GMCL1: variants seen among roughly 807,000 people sequenced by gnomAD.
GMCL1 encodes germ cell-less 1, spermatogenesis associated.
In GMCL1, 54 loss-of-function variants were observed where a neutral mutation model predicts 75.5. The observed-to-expected ratio is 0.71, with a 90% CI of 0.57 to 0.90. GMCL1 has a LOEUF of 0.90. GMCL1 is among the 40% of genes least tolerant of loss of function. The pLI is 0.00. For synonymous variants in GMCL1, 210 were observed against 209.6 expected (o/e 1.00, Z -0.02); for missense variants, 537 against 622.7 (o/e 0.86, Z 1.47).
At chr2:69,852,554 T>C (rs907901797) in intron 8 of GMCL1, among the ~76,000 whole-genome samples, 5 of 152,196 alleles carry the variant, frequency 3.3e-5, no homozygotes, top group South Asian at 4.1e-4. Context: ...CTTTTTTTTT[T>C]TGAGACAGAG....
chr2:69,853,994 A>G (rs1675393756), intron 8 of GMCL1, among the ~76,000 whole-genome samples: 1 of 151,924 alleles, frequency 6.6e-6, no homozygotes, highest in Non-Finnish European at 1.5e-5. Context: ...TAGTAGAGAC[A>G]GGGTTTCATC....
At chr2:69,862,759 C>CA (rs879848728) in intron 10 of GMCL1, among the ~76,000 whole-genome samples, 114 of 119,954 alleles carry the variant, frequency 9.5e-4, no homozygotes, top group South Asian at 2.9e-3. Context: ...AACTCCATCC[C>CA]AAAAAAAAAA....
At chr2:69,847,422 A>G (rs1416745283) in intron 6 of GMCL1, 121 bp from the exon 7 acceptor site, 3 of 730,426 alleles carry the variant, frequency 4.1e-6, no homozygotes, top group Non-Finnish European at 4.9e-6. Context: ...GGGCAGAAGG[A>G]CTGCTGTCAT....
chr2:69,830,820 T>A (rs1220793418), intron 1 of GMCL1, among the ~76,000 whole-genome samples: 1 of 151,696 alleles, frequency 6.6e-6, no homozygotes, highest in African/African-American at 2.4e-5. Flanking sequence ...TGACCTGGAA[T>A]GTAGTTTATA....
At chr2:69,836,573 C>A (rs1259321246) in intron 1 of GMCL1, among the ~76,000 whole-genome samples, 1 of 152,162 alleles carries the variant, frequency 6.6e-6, no homozygotes, top group Non-Finnish European at 1.5e-5. Context: ...GTTAAGTACA[C>A]AGGTGTTAAA....
intron 10 of GMCL1, among the ~76,000 whole-genome samples, chr2:69,862,181 G>T (rs1254864473): frequency 6.6e-6 from 1 of 152,142 alleles, no homozygotes; most frequent in Non-Finnish European, 1.5e-5. Flanking sequence ...CCTTCTGCTA[G>T]CTTCTTAATA....
intron 13 of GMCL1, among the ~76,000 whole-genome samples, chr2:69,878,173 C>T (rs566750850): frequency 5.9e-5 from 9 of 152,252 alleles, no homozygotes; most frequent in African/African-American, 2.2e-4. Context: ...GTAACTGAAC[C>T]TGAAATTGCT....
chr2:69,837,696 CAG>C (rs747462568), intron 2 of GMCL1, 26 bp downstream of exon 2: 63 of 1,584,938 alleles, frequency 4.0e-5, no homozygotes, highest in Non-Finnish European at 4.4e-5. Context: ...ATTTGAGTAA[CAG>C]GGTAGTCACT....
chr2:69,846,389 A>G (rs1448787576), intron 6 of GMCL1, among the ~76,000 whole-genome samples: 1 of 152,226 alleles, frequency 6.6e-6, no homozygotes, highest in Non-Finnish European at 1.5e-5. Flanking sequence ...TAACATTTAC[A>G]TTGTATTAGG....
chr2:69,847,506 T>G (rs1462720151), intron 6 of GMCL1, 37 bp from the exon 7 acceptor site: 1 of 1,306,556 alleles, frequency 7.7e-7, no homozygotes, highest in East Asian at 2.3e-5. Context: ...AGCCTGTGCC[T>G]AAAGATAAGC....
rs747454505 is a variant in GMCL1, at chr2:69,840,944, C to T, written c.484C>T (p.Leu162=). 1 of 1,612,130 alleles carries T rather than the reference C, an allele frequency of 6.2e-7. No homozygotes were observed. Among genetic ancestry groups the T allele is most frequent in the East Asian group, 2.2e-5 (1 of 44,848 alleles). ...CTACATGTGTACCTTGCTTTCAGCACTGCAGGTTGCATTTGGTTCACTGTA... is the reference window on the plus strand; with the variant it reads ...CTACATGTGTACCTTGCTTTCAGCATTGCAGGTTGCATTTGGTTCACTGTA... ...IPDQNIDVEA[L]QVAFGSLYRD... The change falls in exon 4 of 14, where the codon CTG becomes TTG. Residue 162 remains leucine (L), a splice_region_variant and synonymous_variant. Transcript: ENST00000282570.
At chr2:69,855,105 T>A (rs563387874) in intron 9 of GMCL1, 145 bp downstream of exon 9, 1 of 605,958 alleles carries the variant, frequency 1.7e-6, no homozygotes, top group South Asian at 2.4e-5. Context: ...AATCATCCTA[T>A]AGAAGTAATT....
intron 8 of GMCL1, among the ~76,000 whole-genome samples, chr2:69,852,500 C>G (rs1410384836): frequency 6.8e-6 from 1 of 147,192 alleles, no homozygotes; most frequent in African/African-American, 2.6e-5. Flanking sequence ...AGAAAAATCA[C>G]CTGTGATCCC....
At chr2:69,838,195 G>A (rs1327487510) in intron 2 of GMCL1, among the ~76,000 whole-genome samples, 1 of 151,882 alleles carries the variant, frequency 6.6e-6, no homozygotes, top group Non-Finnish European at 1.5e-5. Context: ...TTTCATAGCT[G>A]ACGTGGTGTT....
At chr2:69,875,894 G>T (rs1676116480) in intron 13 of GMCL1, among the ~76,000 whole-genome samples, 1 of 152,046 alleles carries the variant, frequency 6.6e-6, no homozygotes, top group African/African-American at 2.4e-5. Flanking sequence ...GTTTCACTCT[G>T]TTGGCCAAGA....
chr2:69,842,973 AT>A (rs1675026431), intron 4 of GMCL1, 175 bp from the exon 5 acceptor site: 1 of 366,136 alleles, frequency 2.7e-6, no homozygotes, highest in African/African-American at 2.4e-5. Context: ...TTTTTTCAGT[AT>A]TTTTATTGGA....
chr2:69,849,371 T>C (rs958638851), intron 7 of GMCL1, among the ~76,000 whole-genome samples: 2 of 152,138 alleles, frequency 1.3e-5, no homozygotes, highest in African/African-American at 4.8e-5. Context: ...GGTTTGACCA[T>C]GTTTCCCAGG....
At chr2:69,858,081 T>C (rs1675531494) in intron 9 of GMCL1, among the ~76,000 whole-genome samples, 1 of 152,226 alleles carries the variant, frequency 6.6e-6, no homozygotes, top group African/African-American at 2.4e-5. Flanking sequence ...ACTGGGTTTA[T>C]ATTCAAAACT....
At chr2:69,859,559 G>T (rs930964689) in intron 9 of GMCL1, among the ~76,000 whole-genome samples, 1 of 151,502 alleles carries the variant, frequency 6.6e-6, no homozygotes, top group African/African-American at 2.4e-5. Context: ...CGAAGCAGGA[G>T]ACCCCTTCTC....
Sources: allele counts gnomAD v4.1 joint callset (sites outside exome capture counted in the v4.1 genomes callset), GRCh38; gene constraint gnomAD v4.1.1; transcripts MANE v1.5; gene names NCBI Gene and HGNC (gene_info 2026-07-23, HGNC 2026-07-21).